FAM168A: variants seen among roughly 807,000 people sequenced by gnomAD.
FAM168A encodes the protein protein FAM168A.
A neutral mutation model predicts 28.5 loss-of-function variants in FAM168A; 3 were observed. The ratio of observed to expected loss-of-function variants is 0.11; its 90% confidence interval spans 0.05 to 0.27. The LOEUF is 0.27. Among genes scored for constraint, FAM168A ranks in the 10% least tolerant of loss-of-function variants. FAM168A has a pLI of 1.00. For synonymous variants in FAM168A, 122 were observed against 124.2 expected (o/e 0.98, Z 0.12); for missense variants, 222 against 311.5 (o/e 0.71, Z 2.16).
intron 1 of FAM168A, among the ~76,000 whole-genome samples, chr11:73,502,505 G>A (rs1185522187): frequency 2.0e-5 from 3 of 152,120 alleles, no homozygotes; most frequent in Non-Finnish European, 1.5e-5. Flanking sequence ...GTAATTAATA[G>A]CCTATCAACC....
chr11:73,537,632 T>C (rs1366442622), intron 1 of FAM168A, among the ~76,000 whole-genome samples: 1 of 152,204 alleles, frequency 6.6e-6, no homozygotes, highest in Non-Finnish European at 1.5e-5. Context: ...AAGAGAACAG[T>C]GACTACCAGA....
intron 1 of FAM168A, among the ~76,000 whole-genome samples, chr11:73,540,629 T>C (rs948687730): frequency 1.3e-5 from 2 of 152,230 alleles, no homozygotes; most frequent in African/African-American, 4.8e-5. Flanking sequence ...TATCTTCTCA[T>C]GGCTTACTAC....
At chr11:73,443,605 C>T (rs7936584) in intron 2 of FAM168A, among the ~76,000 whole-genome samples, 11,216 of 152,242 alleles carry the variant, frequency 0.074, 1,234 homozygotes, top group African/African-American at 0.24. Context: ...GTCCCCTTCC[C>T]TACTGTTGTG....
At chr11:73,547,309 T>C (rs546800604) in intron 1 of FAM168A, among the ~76,000 whole-genome samples, 3 of 151,896 alleles carry the variant, frequency 2.0e-5, no homozygotes, top group South Asian at 4.2e-4. Context: ...CTCATATCCA[T>C]TATGATGGCA....
At chr11:73,535,872 CA>C (rs1315734251) in intron 1 of FAM168A, among the ~76,000 whole-genome samples, 1 of 138,340 alleles carries the variant, frequency 7.2e-6, no homozygotes, top group Non-Finnish European at 1.5e-5. Context: ...GCACTTAAAA[CA>C]TTTTTTTTTT....
intron 1 of FAM168A, among the ~76,000 whole-genome samples, chr11:73,518,668 C>T (rs1027667393): frequency 1.3e-5 from 2 of 151,956 alleles, no homozygotes; most frequent in Admixed American, 1.3e-4. Context: ...GAGGCTGAGG[C>T]GGGTGGATCA....
chr11:73,472,418 G>A (rs1262334715), intron 1 of FAM168A, among the ~76,000 whole-genome samples: 3 of 152,156 alleles, frequency 2.0e-5, no homozygotes, highest in Non-Finnish European at 4.4e-5. Context: ...TAAATGAAGG[G>A]GAAGAATAGC....
chr11:73,485,021 G>T (rs369399168), intron 1 of FAM168A, among the ~76,000 whole-genome samples: 25 of 151,948 alleles, frequency 1.6e-4, no homozygotes, highest in African/African-American at 5.8e-4. Context: ...GCCTTCCCCA[G>T]CCCACTGACT....
intron 5 of FAM168A, chr11:73,410,461 C>T (rs1432271734): frequency 3.3e-5 from 5 of 151,760 alleles, no homozygotes; most frequent in African/African-American, 1.2e-4. Flanking sequence ...TCCAGGATGT[C>T]TCTTAACTAG....
intron 3 of FAM168A, among the ~76,000 whole-genome samples, chr11:73,426,108 G>A (rs2134503975): frequency 6.6e-6 from 1 of 152,300 alleles, no homozygotes; most frequent in South Asian, 2.1e-4. Flanking sequence ...GACAATAGGG[G>A]AAAATGTTTT....
At chr11:73,585,515 A>T (rs1468959353) in intron 1 of FAM168A, among the ~76,000 whole-genome samples, 1 of 152,236 alleles carries the variant, frequency 6.6e-6, no homozygotes, top group Non-Finnish European at 1.5e-5. Flanking sequence ...TCATCCCATT[A>T]AATTTCTTAG....
intron 2 of FAM168A, among the ~76,000 whole-genome samples, chr11:73,463,756 G>A (rs1867688826): frequency 6.6e-6 from 1 of 152,150 alleles, no homozygotes; most frequent in African/African-American, 2.4e-5. Flanking sequence ...AATTATGGAG[G>A]CAATGAAAGC....
chr11:73,547,085 G>GAAA (rs953416694), intron 1 of FAM168A, among the ~76,000 whole-genome samples: 3 of 53,566 alleles, frequency 5.6e-5, no homozygotes, highest in African/African-American at 1.8e-4. Context: ...AGAAGTTCAA[G>GAAA]AAAAAAAAAA....
chr11:73,411,209 G>A (rs990261729), intron 5 of FAM168A, among the ~76,000 whole-genome samples, 185 bp downstream of exon 5: 5 of 152,176 alleles, frequency 3.3e-5, no homozygotes, highest in African/African-American at 1.2e-4. Context: ...CCCCCTCTAG[G>A]GGCTGAGGTG....
chr11:73,561,483 C>G (rs1943957996), intron 1 of FAM168A, among the ~76,000 whole-genome samples: 1 of 151,868 alleles, frequency 6.6e-6, no homozygotes, highest in East Asian at 1.9e-4. Context: ...ATATATTATT[C>G]TATTTTCAAT....
At chr11:73,571,365 C>T (rs555109449) in intron 1 of FAM168A, among the ~76,000 whole-genome samples, 26 of 149,624 alleles carry the variant, frequency 1.7e-4, no homozygotes, top group African/African-American at 6.3e-4. Context: ...CCTGCCTCAG[C>T]CTGCCGAGTG....
chr11:73,434,857 A>T (rs1334661717), intron 2 of FAM168A, among the ~76,000 whole-genome samples: 1 of 152,212 alleles, frequency 6.6e-6, no homozygotes, highest in Non-Finnish European at 1.5e-5. Context: ...CTGGCAATAG[A>T]TGTGGGATTC....
chr11:73,409,465 C>T, intron 6 of FAM168A, 22 bp downstream of exon 6: 1 of 1,612,738 alleles, frequency 6.2e-7, no homozygotes, highest in South Asian at 1.1e-5. Flanking sequence ...GGGATGGACA[C>T]TGATGCAGAT....
intron 1 of FAM168A, among the ~76,000 whole-genome samples, chr11:73,475,007 G>A (rs1471665469): frequency 1.3e-5 from 2 of 152,126 alleles, no homozygotes; most frequent in Non-Finnish European, 2.9e-5. Context: ...AGAAAAGAGA[G>A]GTGCTAAAGA....
Sources: gnomAD v4.1 joint callset for allele counts (sites outside exome capture counted in the v4.1 genomes callset) on GRCh38, gnomAD v4.1.1 for gene constraint, MANE v1.5 for transcripts, NCBI Gene and HGNC (gene_info 2026-07-23, HGNC 2026-07-21) for gene names.